Variants in BOLL observed in about 807,000 individuals in gnomAD.
The protein encoded by BOLL is boule RNA binding protein.
A neutral mutation model predicts 44.4 loss-of-function variants in BOLL; 23 were observed. That is an observed-to-expected ratio of 0.52 (90% CI 0.37 to 0.73). BOLL has a LOEUF of 0.73. Among genes scored for constraint, BOLL ranks in the 30% least tolerant of loss-of-function variants. The probability of loss-of-function intolerance (pLI) is 0.00; values close to 1 mark genes in which losing one functional copy is unlikely to be tolerated. For synonymous variants in BOLL, 97 were observed against 110.8 expected (o/e 0.88, Z 0.78); for missense variants, 287 against 338.3 (o/e 0.85, Z 1.19).
At chr2:197,757,739 T>C (rs1221881490) in intron 7 of BOLL, among the ~76,000 whole-genome samples, 1 of 152,028 alleles carries the variant, frequency 6.6e-6, no homozygotes, top group Non-Finnish European at 1.5e-5. Flanking sequence ...CAAGTGAAAA[T>C]ACAACCCACA....
chr2:197,766,610 A>G lies in BOLL; in HGVS notation c.481-7T>C. 2.5e-6 allele frequency: 4 copies of G among 1,607,856 alleles called. No individual in the cohort carries two copies. Among genetic ancestry groups the G allele is most frequent in the Non-Finnish European group, 3.4e-6 (4 of 1,176,526 alleles). ...AGCTACATACAGAACGTGACTATAAAAGGATGGAAAAAGAAAAATTAGGCA... is the reference window on the plus strand; with the variant it reads ...AGCTACATACAGAACGTGACTATAAGAGGATGGAAAAAGAAAAATTAGGCA... On this transcript the variant is annotated splice_region_variant and splice_polypyrimidine_tract_variant and intron_variant, in intron 6 of 10. Coordinates refer to ENST00000392296, the MANE Select transcript of BOLL (RefSeq NM_033030.6).
At chr2:197,759,041 A>C in intron 7 of BOLL, 1 of 1,493,806 alleles carries the variant, frequency 6.7e-7, no homozygotes, top group Non-Finnish European at 9.0e-7. Flanking sequence ...TGTCAGCAAG[A>C]TGGCTGACCA....
At chr2:197,733,098 GC>G (rs1331681124) in intron 10 of BOLL, among the ~76,000 whole-genome samples, 1 of 140,666 alleles carries the variant, frequency 7.1e-6, no homozygotes, top group Admixed American at 7.3e-5. Flanking sequence ...AGGCTGATAA[GC>G]AACTTCAGCA....
Position 197,732,578 on chromosome 2 carries a change from T to G in BOLL, c.829-4000A>C, listed in dbSNP as rs891309851. ...AATCCTCAATAAAATACTGGCAAAA[T>G]GAATCCAGCAGCACATCAAAAAGCT... is the stretch of plus-strand genomic sequence containing the variant. On this transcript the variant is annotated intron_variant, in intron 10 of 10. Transcript: ENST00000392296. Among the ~76,000 whole-genome samples the G allele has an allele frequency of 2.1e-4, 31 of 146,778 alleles. No homozygotes were observed. In the East Asian group the frequency reaches 2.6e-3, roughly 12 times the overall value.
chr2:197,766,648 A>T, intron 6 of BOLL, 45 bp from the exon 7 acceptor site: 1 of 1,355,920 alleles, frequency 7.4e-7, no homozygotes, highest in Non-Finnish European at 1.0e-6. Flanking sequence ...AGCCTTTAAA[A>T]TAGCTCACAA....
chr2:197,767,805 C>A (rs1470839295), intron 6 of BOLL, among the ~76,000 whole-genome samples: 1 of 151,960 alleles, frequency 6.6e-6, no homozygotes, highest in African/African-American at 2.4e-5. Context: ...TATCTTCCCA[C>A]TTACAAAGTA....
intron 9 of BOLL, among the ~76,000 whole-genome samples, chr2:197,745,825 G>A (rs1465674123): frequency 2.0e-5 from 3 of 152,150 alleles, no homozygotes; most frequent in Non-Finnish European, 2.9e-5. Context: ...CAATGTTCTG[G>A]AAGACCTCCT....
intron 9 of BOLL, among the ~76,000 whole-genome samples, chr2:197,753,721 A>C (rs6757887): frequency 0.22 from 33,318 of 152,132 alleles, 3,754 homozygotes; most frequent in East Asian, 0.27. Flanking sequence ...TGTGGAAGAC[A>C]GTGTGGCGAT....
intron 9 of BOLL, among the ~76,000 whole-genome samples, chr2:197,743,999 C>T (rs1208684755): frequency 7.2e-5 from 11 of 152,058 alleles, no homozygotes; most frequent in Non-Finnish European, 1.5e-4. Context: ...TTAGTAGAGA[C>T]GGGGTTTCAC....
At chr2:197,734,253 C>T (rs1687362315) in intron 10 of BOLL, among the ~76,000 whole-genome samples, 1 of 151,630 alleles carries the variant, frequency 6.6e-6, no homozygotes, top group Non-Finnish European at 1.5e-5. Context: ...CAAATCAAAA[C>T]CACAATGAGA....
At chr2:197,735,834 TTGTA>T (rs1295027412) in intron 10 of BOLL, among the ~76,000 whole-genome samples, 2 of 152,150 alleles carry the variant, frequency 1.3e-5, no homozygotes, top group Non-Finnish European at 2.9e-5. Flanking sequence ...GCTCCCTGCA[TTGTA>T]TGTTTCTTAT....
chr2:197,781,086 T>C (rs936697370), intron 2 of BOLL, among the ~76,000 whole-genome samples: 2 of 152,116 alleles, frequency 1.3e-5, no homozygotes, highest in Non-Finnish European at 2.9e-5. Context: ...AAACTCATCA[T>C]TGGGGTTTGT....
At chr2:197,734,527 C>G (rs546502537) in intron 10 of BOLL, among the ~76,000 whole-genome samples, 31 of 152,116 alleles carry the variant, frequency 2.0e-4, no homozygotes, top group Non-Finnish European at 3.8e-4. Context: ...TATCACGGCA[C>G]TATTCACAAT....
At chr2:197,732,080 AAAAG>A (rs1559387743) in intron 10 of BOLL, among the ~76,000 whole-genome samples, 1 of 151,512 alleles carries the variant, frequency 6.6e-6, no homozygotes, top group Non-Finnish European at 1.5e-5. Context: ...AATAAAGAAA[AAAAG>A]AGAGAAGAAT....
rs376712356 is a variant in BOLL at position 197,743,196 on chromosome 2, A to G, written c.730-37T>C. 54 of 1,438,344 alleles carry G rather than the reference A, an allele frequency of 3.8e-5. No homozygotes were observed. The East Asian group carries it at 9.9e-4, about 26-fold the overall frequency. 89.1% of individuals were successfully genotyped at this position (1,438,344 alleles called of 1,614,324 possible). On this transcript the variant is annotated intron_variant, in intron 9 of 10. Transcript: ENST00000392296. ...AAAGAGAGAAAAAATGTCACCTTTC[A>G]TCTATTAATTCTAAATATTTACTCA...
intron 9 of BOLL, among the ~76,000 whole-genome samples, chr2:197,751,853 A>G (rs1412229233): frequency 1.3e-5 from 2 of 150,908 alleles, no homozygotes; most frequent in Non-Finnish European, 3.0e-5. Context: ...AAAAAAAAAG[A>G]AAATTTCAGG....
intron 6 of BOLL, among the ~76,000 whole-genome samples, chr2:197,767,544 T>A (rs1242851967): frequency 1.3e-5 from 2 of 152,012 alleles, no homozygotes; most frequent in Non-Finnish European, 2.9e-5. Flanking sequence ...TTTTTATGAT[T>A]AAAAACTCTT....
At chr2:197,775,858 C>T (rs2106383875) in intron 4 of BOLL, 118 bp from the exon 5 acceptor site, 1 of 549,566 alleles carries the variant, frequency 1.8e-6, no homozygotes, top group South Asian at 3.6e-5. Flanking sequence ...TCTTTCAAAG[C>T]AGCAAGGAAT....
intron 9 of BOLL, among the ~76,000 whole-genome samples, chr2:197,753,985 A>G (rs990330840): frequency 6.6e-6 from 1 of 152,214 alleles, no homozygotes; most frequent in Non-Finnish European, 1.5e-5. Flanking sequence ...TGTCCTTTGC[A>G]GGGACATGGA....
Sources: gnomAD v4.1 joint callset for allele counts (sites outside exome capture counted in the v4.1 genomes callset) on GRCh38, gnomAD v4.1.1 for gene constraint, MANE v1.5 for transcripts, NCBI Gene and HGNC (gene_info 2026-07-23, HGNC 2026-07-21) for gene names.